The following ABI3BP variants were observed in gnomAD, a reference collection of about 807,000 sequenced individuals.
ABI3BP encodes target of Nesh-SH3.
ABI3BP carries 216 observed loss-of-function variants against 268.6 expected under a neutral mutation model. The ratio of observed to expected loss-of-function variants is 0.80; its 90% CI spans 0.72 to 0.90. The LOEUF (loss-of-function observed/expected upper bound fraction) is 0.90. Among genes scored for constraint, ABI3BP ranks in the 40% least tolerant of loss-of-function variants. The pLI is 0.00. For missense variants in ABI3BP, 2,090 were observed against 2,182.4 expected (o/e 0.96, Z 0.84); for synonymous variants, 730 against 730.0 (o/e 1.00, Z 0.00).
chr3:100,813,610 A>G, intron 45 of ABI3BP, 51 bp downstream of exon 45: 3 of 1,325,986 alleles, frequency 2.3e-6, no homozygotes, highest in Non-Finnish European at 3.1e-6. Flanking sequence ...GAATTACAGT[A>G]TGCCTCTTAA....
At position 100,783,949 on chromosome 3, in the gene ABI3BP, A is replaced by G. The variant is rs116031372; in HGVS notation, c.4163-3740T>C. Reference sequence around the variant, plus strand: ...TTTTAATAGGTAGGACACATCAGCTAAGCTGGGACACGTCTCTGGAAACCA... The same window carrying G: ...TTTTAATAGGTAGGACACATCAGCTGAGCTGGGACACGTCTCTGGAAACCA... On this transcript the variant is annotated intron_variant, in intron 57 of 67. Transcript: ENST00000471714. Among the ~76,000 whole-genome samples, 541 of 152,326 alleles carry G rather than the reference A, an allele frequency of 3.6e-3. 4 individuals carry two copies. The highest frequency in any genetic ancestry group is 5.3e-3 in the Non-Finnish European group (360 of 68,030).
intron 14 of ABI3BP, among the ~76,000 whole-genome samples, chr3:100,856,897 T>C (rs1332983153): frequency 6.6e-6 from 1 of 152,166 alleles, no homozygotes; most frequent in Non-Finnish European, 1.5e-5. Context: ...AAGTTGATAG[T>C]GGCATTATTT....
intron 39 of ABI3BP, 46 bp downstream of exon 39, chr3:100,821,008 C>G: frequency 6.8e-7 from 1 of 1,468,258 alleles, no homozygotes; most frequent in South Asian, 1.2e-5. Flanking sequence ...ATGGGTTTGA[C>G]GATGAGAAGG....
At chr3:100,752,596 T>G in intron 66 of ABI3BP, 191 bp downstream of exon 66, 1 of 538,744 alleles carries the variant, frequency 1.9e-6, no homozygotes, top group Non-Finnish European at 3.2e-6. Flanking sequence ...ATTATTTACC[T>G]TCTAATAGCA....
intron 28 of ABI3BP, among the ~76,000 whole-genome samples, chr3:100,835,138 T>C (rs747417147): frequency 6.6e-6 from 1 of 152,176 alleles, no homozygotes; most frequent in Non-Finnish European, 1.5e-5. Flanking sequence ...ATTACTTGGC[T>C]CAGACACACA....
At chr3:100,856,733 T>C (rs188549038) in intron 14 of ABI3BP, among the ~76,000 whole-genome samples, 8 of 152,304 alleles carry the variant, frequency 5.3e-5, no homozygotes, top group South Asian at 4.2e-4. Flanking sequence ...TTAACACTTA[T>C]GGCATTATCA....
At chr3:100,831,967 G>A (rs1284292992) in intron 31 of ABI3BP, among the ~76,000 whole-genome samples, 1 of 152,174 alleles carries the variant, frequency 6.6e-6, no homozygotes, top group Non-Finnish European at 1.5e-5. Context: ...TGGGGAATTA[G>A]AAGGGACTTA....
At chr3:100,923,026 G>A (rs997676882) in intron 2 of ABI3BP, among the ~76,000 whole-genome samples, 4 of 151,972 alleles carry the variant, frequency 2.6e-5, no homozygotes, top group African/African-American at 9.7e-5. Flanking sequence ...AAAGAAATAC[G>A]GAAAAGGAAA....
chr3:100,967,483 G>A, intron 1 of ABI3BP, among the ~76,000 whole-genome samples: 1 of 137,370 alleles, frequency 7.3e-6, no homozygotes. Context: ...TAGCCTGGGT[G>A]ACAGAGTGAG....
At chr3:100,752,108 C>T (rs1003800352) in intron 66 of ABI3BP, among the ~76,000 whole-genome samples, 4 of 152,190 alleles carry the variant, frequency 2.6e-5, no homozygotes, top group Non-Finnish European at 5.9e-5. Context: ...TTCTCCTTAG[C>T]TAGTGCTAAC....
At chr3:100,840,721 G>A (rs2098682388) in intron 22 of ABI3BP, 99 bp downstream of exon 22, 2 of 1,051,782 alleles carry the variant, frequency 1.9e-6, no homozygotes, top group South Asian at 1.5e-5. Flanking sequence ...ACACACAAAG[G>A]GACATTAATG....
chr3:100,897,481 G>A (rs1280636912), intron 4 of ABI3BP, among the ~76,000 whole-genome samples: 1 of 151,986 alleles, frequency 6.6e-6, no homozygotes, highest in African/African-American at 2.4e-5. Context: ...TATCACTCAG[G>A]AGTACAAAAA....
chr3:100,768,522 G>A (rs1459539154), intron 62 of ABI3BP, among the ~76,000 whole-genome samples: 1 of 152,120 alleles, frequency 6.6e-6, no homozygotes, highest in Non-Finnish European at 1.5e-5. Context: ...ATATACATTT[G>A]TCTTGTGCTT....
intron 4 of ABI3BP, among the ~76,000 whole-genome samples, chr3:100,895,144 TA>T (rs1407141807): frequency 6.6e-6 from 1 of 151,770 alleles, no homozygotes; most frequent in African/African-American, 2.4e-5. Flanking sequence ...AAATTTGGGT[TA>T]AAAACAGTTG....
intron 34 of ABI3BP, among the ~76,000 whole-genome samples, chr3:100,827,498 A>G (rs1280271381): frequency 3.3e-5 from 5 of 152,132 alleles, no homozygotes; most frequent in Non-Finnish European, 7.4e-5. Context: ...GATATGTTCA[A>G]TGGAAGGTTT....
intron 50 of ABI3BP, 78 bp from the exon 51 acceptor site, chr3:100,804,944 G>A: frequency 8.5e-7 from 1 of 1,182,342 alleles, no homozygotes; most frequent in Non-Finnish European, 1.3e-6. Context: ...GACATGTCAA[G>A]GTGTAGCCTG....
intron 51 of ABI3BP, among the ~76,000 whole-genome samples, chr3:100,801,813 T>C (rs1225715404): frequency 6.6e-6 from 1 of 152,192 alleles, no homozygotes; most frequent in African/African-American, 2.4e-5. Context: ...ATGATAACAG[T>C]ATGATCTTAA....
At chr3:100,810,800 T>G (rs1049571894) in intron 48 of ABI3BP, among the ~76,000 whole-genome samples, 2 of 152,158 alleles carry the variant, frequency 1.3e-5, no homozygotes, top group Non-Finnish European at 2.9e-5. Flanking sequence ...TAAGCAGCAC[T>G]GAATTTCACT....
intron 1 of ABI3BP, among the ~76,000 whole-genome samples, chr3:100,973,062 G>C (rs2084420528): frequency 6.6e-6 from 1 of 152,092 alleles, no homozygotes; most frequent in African/African-American, 2.4e-5. Flanking sequence ...TTTTGTTAGT[G>C]ACTTCACTGT....
Sources: gnomAD v4.1 joint callset for allele counts (sites outside exome capture counted in the v4.1 genomes callset) on GRCh38, gnomAD v4.1.1 for gene constraint, MANE v1.5 for transcripts, NCBI Gene and HGNC (gene_info 2026-07-23, HGNC 2026-07-21) for gene names.